HDAC8: variants seen among roughly 807,000 people sequenced by gnomAD.
HDAC8 encodes the protein histone deacetylase-like 1.
HDAC8 carries 1 observed loss-of-function variant against 32.2 expected under a neutral mutation model. That is an observed-to-expected ratio of 0.03 (90% CI 0.01 to 0.15). The LOEUF (loss-of-function observed/expected upper bound fraction) is 0.15. Among genes scored for constraint, HDAC8 ranks in the 10% least tolerant of loss-of-function variants. The pLI is 1.00. For missense variants in HDAC8, 117 were observed against 300.0 expected (o/e 0.39, Z 4.51); for synonymous variants, 108 against 113.9 (o/e 0.95, Z 0.33).
At chrX:72,441,169 T>A (rs1207496291) in intron 9 of HDAC8, among the ~76,000 whole-genome samples, 1 of 112,775 alleles carries the variant, frequency 8.9e-6, no homozygotes, top group African/African-American at 3.2e-5. Flanking sequence ...GTGTGACAGC[T>A]TTGAAGAGAG....
chrX:72,356,349 C>A (rs1365971789), intron 9 of HDAC8, among the ~76,000 whole-genome samples: 1 of 110,974 alleles, frequency 9.0e-6, no homozygotes, highest in Non-Finnish European at 1.9e-5. Flanking sequence ...TTAGATATGA[C>A]TAGGGGGCAC....
intron 4 of HDAC8, among the ~76,000 whole-genome samples, chrX:72,526,428 G>A (rs1008221269): frequency 2.7e-5 from 3 of 110,181 alleles, no homozygotes; most frequent in Non-Finnish European, 3.8e-5. Context: ...CTCTCTCGCC[G>A]CATTTCTACA....
At chrX:72,340,071 G>A (rs937684837) in intron 10 of HDAC8, among the ~76,000 whole-genome samples, 5 of 112,134 alleles carry the variant, frequency 4.5e-5, no homozygotes, top group South Asian at 3.7e-4. Context: ...GGGTGCTCTC[G>A]TCTTAGTTCT....
intron 4 of HDAC8, among the ~76,000 whole-genome samples, chrX:72,516,431 C>G (rs1275720049): frequency 9.1e-6 from 1 of 109,785 alleles, no homozygotes; most frequent in African/African-American, 3.3e-5. Flanking sequence ...TTAATTGCAT[C>G]TAATTGTTTA....
chrX:72,539,591 C>T (rs1377689875), intron 4 of HDAC8, among the ~76,000 whole-genome samples: 4 of 110,914 alleles, frequency 3.6e-5, no homozygotes, highest in Non-Finnish European at 7.5e-5. Flanking sequence ...AAATGTTAAT[C>T]AAAATTTTAA....
intron 7 of HDAC8, among the ~76,000 whole-genome samples, chrX:72,473,035 C>T (rs782548030): frequency 2.1e-4 from 24 of 111,905 alleles, no homozygotes; most frequent in South Asian, 3.8e-4. Context: ...ACACACAAAA[C>T]CATCAAATTA....
chrX:72,566,024 G>A (rs1556133022), intron 4 of HDAC8, among the ~76,000 whole-genome samples: 1 of 110,142 alleles, frequency 9.1e-6, no homozygotes, highest in African/African-American at 3.3e-5. Flanking sequence ...GCACGTGCCT[G>A]TAGTCCTAGC....
At chrX:72,545,251 T>C (rs1486519900) in intron 4 of HDAC8, among the ~76,000 whole-genome samples, 2 of 111,967 alleles carry the variant, frequency 1.8e-5, no homozygotes, top group Non-Finnish European at 3.8e-5. Flanking sequence ...TGACAAACAA[T>C]ATCAAGGCTG....
intron 9 of HDAC8, among the ~76,000 whole-genome samples, chrX:72,439,725 G>A (rs782130604): frequency 2.4e-4 from 25 of 104,738 alleles, no homozygotes; most frequent in African/African-American, 8.1e-4. Flanking sequence ...AAAAGACAAA[G>A]AAGGGCATTA....
intron 9 of HDAC8, among the ~76,000 whole-genome samples, chrX:72,417,665 G>T (rs2046382184): frequency 8.9e-6 from 1 of 111,792 alleles, no homozygotes; most frequent in African/African-American, 3.2e-5. Context: ...CTGTTTCAAT[G>T]CTATTTCTAT....
chrX:72,522,556 T>C (rs1392099618), intron 4 of HDAC8, among the ~76,000 whole-genome samples: 2 of 112,423 alleles, frequency 1.8e-5, no homozygotes, highest in Non-Finnish European at 3.8e-5. Flanking sequence ...CACCACATTA[T>C]TGAGTTTTAA....
chrX:72,403,100 A>T (rs2045948709), intron 9 of HDAC8, among the ~76,000 whole-genome samples: 1 of 111,683 alleles, frequency 9.0e-6, no homozygotes, highest in Non-Finnish European at 1.9e-5. Flanking sequence ...AAAAAATCTC[A>T]TCTGACAATA....
intron 9 of HDAC8, among the ~76,000 whole-genome samples, chrX:72,444,230 C>A (rs2047291327): frequency 1.0e-5 from 1 of 96,291 alleles, no homozygotes; most frequent in African/African-American, 4.0e-5. Context: ...AGAGACACAA[C>A]CAAAAAAGAG....
intron 7 of HDAC8, among the ~76,000 whole-genome samples, chrX:72,476,014 G>C (rs183491667): frequency 1.8e-5 from 2 of 110,977 alleles, no homozygotes; most frequent in African/African-American, 3.3e-5. Flanking sequence ...CATCAATTAC[G>C]TGTCACCTTG....
intron 9 of HDAC8, among the ~76,000 whole-genome samples, chrX:72,362,295 C>T (rs782733945): frequency 4.5e-5 from 5 of 111,817 alleles, no homozygotes; most frequent in South Asian, 3.8e-4. Flanking sequence ...CTTGCTTCCT[C>T]TCTGGCCATG....
intron 9 of HDAC8, among the ~76,000 whole-genome samples, chrX:72,360,082 C>G (rs371060090): frequency 9.5e-6 from 1 of 105,454 alleles, no homozygotes; most frequent in Admixed American, 1.0e-4. Flanking sequence ...AAAGTCTGGG[C>G]GTGGTGGCTC....
chrX:72,366,571 C>CT (rs1334655521), intron 9 of HDAC8, among the ~76,000 whole-genome samples: 1 of 112,282 alleles, frequency 8.9e-6, no homozygotes, highest in African/African-American at 3.2e-5. Context: ...GTCTCCTCCA[C>CT]TGGGCAGTGT....
chrX:72,559,534 G>A (rs1427450893), intron 4 of HDAC8, among the ~76,000 whole-genome samples: 33 of 103,748 alleles, frequency 3.2e-4, no homozygotes, highest in Admixed American at 1.4e-3. Context: ...GCCGCCCATC[G>A]TCTGGGATGT....
At chrX:72,509,262 T>C (rs1175078688) in intron 4 of HDAC8, among the ~76,000 whole-genome samples, 2 of 110,228 alleles carry the variant, frequency 1.8e-5, no homozygotes, top group African/African-American at 6.6e-5. Flanking sequence ...GTGAGCACCA[T>C]CACATCTGGC....
Sources: allele counts gnomAD v4.1 joint callset (sites outside exome capture counted in the v4.1 genomes callset), GRCh38; gene constraint gnomAD v4.1.1; transcripts MANE v1.5; gene names NCBI Gene and HGNC (gene_info 2026-07-23, HGNC 2026-07-21).